CA10: variants seen among roughly 807,000 people sequenced by gnomAD.
CA10 encodes the protein carbonic anhydrase 10 (inactive), also known as carbonic anhydrase-related protein 10.
In CA10, 14 loss-of-function variants were observed where a neutral mutation model predicts 44.2. That is an observed-to-expected ratio of 0.32 (90% CI 0.21 to 0.50). CA10 has a LOEUF of 0.50. Among genes scored for constraint, CA10 ranks in the 20% least tolerant of loss-of-function variants. The probability of loss-of-function intolerance (pLI) is 0.99; values close to 1 mark genes in which losing one functional copy is unlikely to be tolerated. For missense variants in CA10, 350 were observed against 409.7 expected, an observed-to-expected ratio of 0.85 and a Z score of 1.26; for synonymous variants, 159 against 141.6, an observed-to-expected ratio of 1.12 and a Z score of -0.87.
intron 3 of CA10, among the ~76,000 whole-genome samples, chr17:51,749,658 T>C (rs555531369): frequency 2.0e-5 from 3 of 152,344 alleles, no homozygotes; most frequent in Admixed American, 2.0e-4. Context: ...ATCTTCTTTC[T>C]CCTGTGAAAT....
In CA10 at chr17:51,910,244, T is replaced by A. The variant is rs183125041; in HGVS notation, c.279+20746A>T. On this transcript the variant is annotated intron_variant, in intron 3 of 8. Transcript: ENST00000451037. ...ATCCCCCTTGATCCTGCCCTTAAGCTCTTTCAGAAAACTTAATCTCCAAAG... is the reference window on the plus strand; with the variant it reads ...ATCCCCCTTGATCCTGCCCTTAAGCACTTTCAGAAAACTTAATCTCCAAAG... Among the ~76,000 whole-genome samples the A allele has an allele frequency of 7.9e-5, 12 of 152,192 alleles. No homozygotes were observed. In the East Asian group the frequency reaches 1.9e-3, roughly 25 times the overall value.
At chr17:51,839,825 A>T (rs547976935) in intron 3 of CA10, among the ~76,000 whole-genome samples, 1 of 152,340 alleles carries the variant, frequency 6.6e-6, no homozygotes, top group South Asian at 2.1e-4. Context: ...CATGAAAATC[A>T]ATTCCAGGAA....
At chr17:51,861,653 T>C (rs1482565532) in intron 3 of CA10, among the ~76,000 whole-genome samples, 1 of 151,914 alleles carries the variant, frequency 6.6e-6, no homozygotes, top group Non-Finnish European at 1.5e-5. Flanking sequence ...TAGTAAAAAA[T>C]TCATGGGAAA....
At chr17:51,641,538 C>T (rs1024059841) in intron 6 of CA10, among the ~76,000 whole-genome samples, 3 of 152,158 alleles carry the variant, frequency 2.0e-5, no homozygotes, top group Non-Finnish European at 4.4e-5. Flanking sequence ...CTTGAATAAT[C>T]AATAAGTGTA....
intron 3 of CA10, among the ~76,000 whole-genome samples, chr17:51,912,848 C>A (rs1385628930): frequency 6.6e-6 from 1 of 152,170 alleles, no homozygotes; most frequent in East Asian, 1.9e-4. Flanking sequence ...GCCTTGGTAA[C>A]AAAAGGATAA....
intron 1 of CA10, among the ~76,000 whole-genome samples, chr17:52,141,014 T>C (rs965818256): frequency 1.3e-5 from 2 of 152,164 alleles, no homozygotes; most frequent in South Asian, 2.1e-4. Context: ...CTCCAGGTGA[T>C]GTTCTTATTT....
At chr17:51,651,503 G>A (rs1913562451) in intron 5 of CA10, among the ~76,000 whole-genome samples, 1 of 152,202 alleles carries the variant, frequency 6.6e-6, no homozygotes, top group African/African-American at 2.4e-5. Context: ...AAACTGACCT[G>A]AGAAGATGCA....
chr17:52,140,417 A>G (rs1989453417), intron 1 of CA10, among the ~76,000 whole-genome samples: 1 of 152,206 alleles, frequency 6.6e-6, no homozygotes, highest in African/African-American at 2.4e-5. Flanking sequence ...TAGATACTAG[A>G]CAGTACATAA....
At chr17:51,701,963 C>A (rs1182171938) in intron 4 of CA10, among the ~76,000 whole-genome samples, 1 of 152,166 alleles carries the variant, frequency 6.6e-6, no homozygotes, top group Non-Finnish European at 1.5e-5. Context: ...CAGGTTGGCA[C>A]CTTACCCAGA....
intron 4 of CA10, among the ~76,000 whole-genome samples, chr17:51,741,657 T>C (rs1181872056): frequency 1.3e-5 from 2 of 152,224 alleles, no homozygotes; most frequent in Non-Finnish European, 2.9e-5. Flanking sequence ...ACTTAAGCAC[T>C]GACTGTATGT....
intron 3 of CA10, among the ~76,000 whole-genome samples, chr17:51,849,145 TTATATATATAC>T (rs1486669545): frequency 1.7e-4 from 22 of 127,938 alleles, no homozygotes; most frequent in African/African-American, 5.5e-4. Context: ...ACTTAGTTTT[TTATATATATAC>T]ATATATGTAT....
intron 3 of CA10, among the ~76,000 whole-genome samples, chr17:51,844,448 C>T (rs1338158086): frequency 6.6e-6 from 1 of 152,022 alleles, no homozygotes; most frequent in African/African-American, 2.4e-5. Flanking sequence ...GTAAAATATA[C>T]TAATTTTTAA....
At chr17:52,085,751 G>A (rs539604047) in intron 1 of CA10, among the ~76,000 whole-genome samples, 33 of 152,180 alleles carry the variant, frequency 2.2e-4, no homozygotes, top group African/African-American at 7.7e-4. Flanking sequence ...AATGTATTTG[G>A]ACTGAAGTAA....
At chr17:51,762,419 A>G (rs2066010191) in intron 3 of CA10, 1 of 152,234 alleles carries the variant, frequency 6.6e-6, no homozygotes, top group Non-Finnish European at 1.5e-5. Flanking sequence ...GTCTTTGAGC[A>G]CGGGTAGGAT....
Position 51,631,434 on chromosome 17 carries a change from A to G in CA10, c.*150T>C. 4 of 761,748 alleles carry G rather than the reference A, an allele frequency of 5.3e-6. No individual in the cohort carries two copies. The highest frequency in any genetic ancestry group is 9.3e-6 in the Non-Finnish European group (4 of 430,750). 47.2% of individuals were successfully genotyped at this position (761,748 alleles called of 1,614,324 possible). A position where few individuals can be genotyped will look rare whatever the true frequency, so the allele number is the denominator to read the frequency against. On this transcript the variant is annotated 3_prime_UTR_variant, in exon 9 of 9. Coordinates refer to ENST00000451037, the MANE Select transcript of CA10 (RefSeq NM_020178.5). ...ATGTATTCCTCTGCCATGGTTTTGC[A>G]GACACTTTTCATGAAGAAAGGGCCA...
At chr17:51,887,882 C>T (rs1272435033) in intron 3 of CA10, among the ~76,000 whole-genome samples, 2 of 150,902 alleles carry the variant, frequency 1.3e-5, no homozygotes, top group Admixed American at 1.3e-4. Context: ...AAAAATTAGT[C>T]GGGTGTGGTG....
intron 2 of CA10, among the ~76,000 whole-genome samples, chr17:51,988,261 A>G (rs1341341208): frequency 6.6e-6 from 1 of 152,016 alleles, no homozygotes; most frequent in East Asian, 1.9e-4. Context: ...TGGGTTTTAG[A>G]CACAAACTTT....
chr17:51,757,175 T>C (rs1478098169), intron 3 of CA10, among the ~76,000 whole-genome samples: 1 of 152,186 alleles, frequency 6.6e-6, no homozygotes, highest in African/African-American at 2.4e-5. Flanking sequence ...AGTCTAGTTT[T>C]CTGCAAAGTA....
chr17:52,003,759 A>G (rs1230703109), intron 2 of CA10, among the ~76,000 whole-genome samples: 2 of 152,056 alleles, frequency 1.3e-5, no homozygotes, highest in South Asian at 4.1e-4. Flanking sequence ...TTTAAGGAAA[A>G]GGCAGAGAAA....
Sources: gnomAD v4.1 joint callset for allele counts (sites outside exome capture counted in the v4.1 genomes callset) on GRCh38, gnomAD v4.1.1 for gene constraint, MANE v1.5 for transcripts, NCBI Gene and HGNC (gene_info 2026-07-23, HGNC 2026-07-21) for gene names.